Variants in SLC36A2 observed in about 807,000 individuals in gnomAD.
SLC36A2 encodes proton-coupled amino acid transporter 2.
In SLC36A2, 39 loss-of-function variants were observed where a neutral mutation model predicts 42.7. That is an observed-to-expected ratio of 0.91 (90% confidence interval 0.71 to 1.19). SLC36A2 has a LOEUF of 1.19. SLC36A2 is among the 50% of genes most tolerant of loss of function. The probability of loss-of-function intolerance (pLI) is 0.00; values close to 1 mark genes in which losing one functional copy is unlikely to be tolerated. For synonymous variants in SLC36A2, 237 were observed against 240.8 expected, an observed-to-expected ratio of 0.98 and a Z score of 0.15; for missense variants, 590 against 613.7, an observed-to-expected ratio of 0.96 and a Z score of 0.41.
intron 4 of SLC36A2, among the ~76,000 whole-genome samples, chr5:151,340,647 T>C (rs1274654207): frequency 1.3e-5 from 2 of 152,072 alleles, no homozygotes; most frequent in African/African-American, 4.8e-5. Context: ...GGAGAGAATG[T>C]TGAAAAAAGA....
At chr5:151,319,082 A>G (rs1192428372) in intron 9 of SLC36A2, 1 of 843,380 alleles carries the variant, frequency 1.2e-6, no homozygotes, top group East Asian at 1.2e-4. Context: ...ATGGAGATGA[A>G]GGCTACTATC....
Position 151,339,073 on chromosome 5 carries a change from T to C in SLC36A2, c.512A>G (p.Asp171Gly), listed in dbSNP as rs149024678. The change falls in exon 5 of 10, where the codon GAT (aspartate) becomes GGT (glycine). Residue 171 changes from aspartate (D) to glycine (G), a missense_variant. Physicochemically the swap from Asp to Gly is moderately conservative, Grantham distance 94 (BLOSUM62 -1). Transcript: ENST00000335244. Reference sequence around the variant, plus strand: ...AGAAGCCTCTACCTGTTTTAAATTATCAGCCAAAAACACAATGTACACACA... The same window carrying C: ...AGAAGCCTCTACCTGTTTTAAATTACCAGCCAAAAACACAATGTACACACA... ...FCCVYIVFLA[D>G]NLKQVVEAVN... The C allele has an allele frequency of 2.1e-4, 342 of 1,610,048 alleles. 3 individuals carry two copies. In the African/African-American group the frequency reaches 4.3e-3, roughly 20 times the overall value.
At chr5:151,345,606 C>T (rs1365772860) in intron 1 of SLC36A2, among the ~76,000 whole-genome samples, 2 of 151,996 alleles carry the variant, frequency 1.3e-5, no homozygotes, top group Middle Eastern at 3.4e-3. Flanking sequence ...GTGTCCACAT[C>T]GCTGACCGAG....
At chr5:151,334,468 A>G (rs991373206) in intron 6 of SLC36A2, among the ~76,000 whole-genome samples, 6 of 150,472 alleles carry the variant, frequency 4.0e-5, no homozygotes, top group Middle Eastern at 3.4e-3. Flanking sequence ...AGGCGGGGGG[A>G]TCACTTGAGG....
At chr5:151,335,198 A>G (rs1756116163) in intron 6 of SLC36A2, 131 bp downstream of exon 6, 1 of 689,732 alleles carries the variant, frequency 1.4e-6, no homozygotes, top group South Asian at 1.6e-5. Flanking sequence ...AAGAAATGCT[A>G]CAGTGAGATG....
At chr5:151,318,338 G>C (rs959824930) in intron 9 of SLC36A2, among the ~76,000 whole-genome samples, 3 of 150,776 alleles carry the variant, frequency 2.0e-5, no homozygotes, top group African/African-American at 7.3e-5. Flanking sequence ...GTCAATGTTT[G>C]TACTATCAAA....
At chr5:151,321,362 T>C (rs1329327817) in intron 9 of SLC36A2, among the ~76,000 whole-genome samples, 3 of 146,062 alleles carry the variant, frequency 2.1e-5, no homozygotes, top group Non-Finnish European at 4.5e-5. Context: ...TTTTTTTTTT[T>C]AATAGAGATG....
intron 7 of SLC36A2, among the ~76,000 whole-genome samples, chr5:151,332,062 T>G (rs1217685434): frequency 6.6e-6 from 1 of 152,140 alleles, no homozygotes; most frequent in Non-Finnish European, 1.5e-5. Context: ...AGACGGGGTT[T>G]CACTATGTTA....
At chr5:151,337,432 CAT>C (rs1267138467) in intron 5 of SLC36A2, among the ~76,000 whole-genome samples, 1 of 152,192 alleles carries the variant, frequency 6.6e-6, no homozygotes, top group Non-Finnish European at 1.5e-5. Context: ...ACCAAAATAT[CAT>C]ATTGATATTT....
chr5:151,336,154 T>C (rs1756150164), intron 5 of SLC36A2, among the ~76,000 whole-genome samples: 1 of 152,254 alleles, frequency 6.6e-6, no homozygotes, highest in Non-Finnish European at 1.5e-5. Flanking sequence ...TTTCTTGTCA[T>C]TGAATGCAGC....
At chr5:151,339,765 G>A (rs1370884801) in intron 4 of SLC36A2, among the ~76,000 whole-genome samples, 1 of 152,194 alleles carries the variant, frequency 6.6e-6, no homozygotes, top group Non-Finnish European at 1.5e-5. Context: ...CAGGCACAAT[G>A]TTTTTATTAG....
At chr5:151,320,840 T>C (rs1169693022) in intron 9 of SLC36A2, among the ~76,000 whole-genome samples, 2 of 152,220 alleles carry the variant, frequency 1.3e-5, no homozygotes, top group Non-Finnish European at 2.9e-5. Context: ...TTATACAACA[T>C]TGTGAGGTTC....
chr5:151,334,914 T>G (rs1393075775), intron 6 of SLC36A2, among the ~76,000 whole-genome samples: 1 of 150,216 alleles, frequency 6.7e-6, no homozygotes, highest in Non-Finnish European at 1.5e-5. Flanking sequence ...AAATATTAGA[T>G]TTTTTTTTTC....
chr5:151,323,008 G>A (rs879711198), intron 8 of SLC36A2, among the ~76,000 whole-genome samples: 7 of 152,184 alleles, frequency 4.6e-5, no homozygotes, highest in Non-Finnish European at 8.8e-5. Context: ...GGCCGAGGGC[G>A]GTGGATCACC....
chr5:151,317,117 AGCATTCCAG>A (rs1180027091), intron 9 of SLC36A2, 29 bp from the exon 10 acceptor site: 12 of 1,611,518 alleles, frequency 7.4e-6, no homozygotes, highest in African/African-American at 1.3e-5. Context: ...GGAGAGATGG[AGCATTCCAG>A]GCTTAGCCAA....
rs546281215 is a variant in SLC36A2, at chr5:151,345,207, C to T, written c.165-940G>A. Reference sequence around the variant, plus strand: ...AGTCAAGGCGAGCATGGGGTTTACACGTGCAACTTTAGAAACCTTGGAAAT... The same window carrying T: ...AGTCAAGGCGAGCATGGGGTTTACATGTGCAACTTTAGAAACCTTGGAAAT... On this transcript the variant is annotated intron_variant, in intron 1 of 9. Transcript: ENST00000335244. Among the ~76,000 whole-genome samples the T allele has an allele frequency of 1.4e-4, 21 of 152,304 alleles. No homozygotes were observed. The South Asian group carries it at 4.1e-3, about 30-fold the overall frequency.
chr5:151,337,484 A>G (rs1424194804), intron 5 of SLC36A2, among the ~76,000 whole-genome samples: 2 of 152,112 alleles, frequency 1.3e-5, no homozygotes, highest in African/African-American at 4.8e-5. Context: ...TTGGCTGTAA[A>G]CTCCTTGATA....
intron 1 of SLC36A2, among the ~76,000 whole-genome samples, chr5:151,345,319 C>G (rs1438913266): frequency 6.6e-6 from 1 of 152,168 alleles, no homozygotes; most frequent in Non-Finnish European, 1.5e-5. Flanking sequence ...TGGGATTTGA[C>G]AAACCAGGGA....
chr5:151,322,525 A>G (rs1481374374), intron 8 of SLC36A2, among the ~76,000 whole-genome samples: 1 of 152,242 alleles, frequency 6.6e-6, no homozygotes, highest in Non-Finnish European at 1.5e-5. Context: ...TATGTTTTAA[A>G]AAAGAGAGGC....
Sources: allele counts gnomAD v4.1 joint callset (sites outside exome capture counted in the v4.1 genomes callset), GRCh38; gene constraint gnomAD v4.1.1; transcripts MANE v1.5; gene names NCBI Gene and HGNC (gene_info 2026-07-23, HGNC 2026-07-21).